Variants in HPSE2 observed in about 807,000 individuals in gnomAD.
HPSE2 encodes inactive heparanase-2.
Under a neutral mutation model 60.5 loss-of-function variants are expected in HPSE2, and 38 were observed. The ratio of observed to expected loss-of-function variants is 0.63; its 90% CI spans 0.48 to 0.82. The LOEUF (loss-of-function observed/expected upper bound fraction) is 0.82, where lower values mean the gene tolerates loss of function less well. Among genes scored for constraint, HPSE2 ranks in the 40% least tolerant of loss-of-function variants. The pLI is 0.00. For missense variants in HPSE2, 713 were observed against 740.4 expected (o/e 0.96, Z 0.43); for synonymous variants, 295 against 293.2 (o/e 1.01, Z -0.06).
chr10:98,896,272 G>T (rs1390984231), intron 3 of HPSE2, among the ~76,000 whole-genome samples: 1 of 152,076 alleles, frequency 6.6e-6, no homozygotes, highest in African/African-American at 2.4e-5. Context: ...CATGGTAAAA[G>T]ATTGGCTAAT....
chr10:98,511,420 G>A (rs1361165803), intron 9 of HPSE2, among the ~76,000 whole-genome samples: 1 of 152,098 alleles, frequency 6.6e-6, no homozygotes. Context: ...AAAGTGCGGG[G>A]ATTACAGGTG....
chr10:98,510,251 G>T (rs1942345009), intron 9 of HPSE2, among the ~76,000 whole-genome samples: 1 of 152,122 alleles, frequency 6.6e-6, no homozygotes, highest in Non-Finnish European at 1.5e-5. Context: ...GAGGACCCTT[G>T]TTTCAGAAGG....
At chr10:99,109,289 C>T (rs1266508324) in intron 3 of HPSE2, among the ~76,000 whole-genome samples, 3 of 152,098 alleles carry the variant, frequency 2.0e-5, no homozygotes, top group Non-Finnish European at 4.4e-5. Flanking sequence ...AAAACAGCCT[C>T]AGTTTATCTA....
intron 2 of HPSE2, among the ~76,000 whole-genome samples, chr10:99,218,792 A>AT (rs1475560811): frequency 3.9e-5 from 6 of 152,182 alleles, no homozygotes; most frequent in African/African-American, 1.4e-4. Context: ...TCACCTATGG[A>AT]TTTTAACTTG....
At chr10:99,248,304 G>A in the HPSE2 span, among the ~76,000 whole-genome samples, 1 of 152,196 alleles carries the variant, frequency 6.6e-6, no homozygotes, top group Non-Finnish European at 1.5e-5. Flanking sequence ...TGGAGAGGAG[G>A]AACTTATTGG....
chr10:99,195,368 A>G (rs1280408947), intron 2 of HPSE2, among the ~76,000 whole-genome samples: 4 of 152,082 alleles, frequency 2.6e-5, no homozygotes, highest in African/African-American at 9.6e-5. Context: ...AGATATAGCA[A>G]TAAGACGAGA....
At chr10:98,883,079 T>C (rs1953070091) in intron 3 of HPSE2, among the ~76,000 whole-genome samples, 1 of 152,112 alleles carries the variant, frequency 6.6e-6, no homozygotes, top group Non-Finnish European at 1.5e-5. Context: ...ATGTTGACCA[T>C]CTTCCTAGCT....
rs750442830 is a variant in HPSE2 at position 99,219,643 on chromosome 10, G to A, written c.448+12705C>T. On this transcript the variant is annotated intron_variant, in intron 2 of 11. Transcript: ENST00000370552. Reference sequence around the variant, plus strand: ...CTAATCCCAGCTCTTCTACGTAAAAGCCCTGTTATTTTGAGCAACTTCCTT... The same window carrying A: ...CTAATCCCAGCTCTTCTACGTAAAAACCCTGTTATTTTGAGCAACTTCCTT... 2.6e-4 allele frequency among the ~76,000 whole-genome samples: 39 copies of A among 152,146 alleles called. 1 individual carries two copies. The highest frequency in any genetic ancestry group is 1.3e-4 in the Admixed American group (2 of 15,276).
intron 3 of HPSE2, among the ~76,000 whole-genome samples, chr10:98,778,222 A>G (rs997724028): frequency 4.9e-5 from 7 of 143,616 alleles, no homozygotes; most frequent in African/African-American, 1.8e-4. Context: ...ATGAGGACCA[A>G]CAAGAAATCT....
intron 3 of HPSE2, among the ~76,000 whole-genome samples, chr10:98,937,329 T>G (rs1241456494): frequency 1.4e-5 from 2 of 144,564 alleles, no homozygotes; most frequent in Non-Finnish European, 3.0e-5. Context: ...TTCCCTTTCC[T>G]AGTCAAAGAA....
intron 3 of HPSE2, among the ~76,000 whole-genome samples, chr10:98,806,064 T>C (rs1951034381): frequency 6.6e-6 from 1 of 152,202 alleles, no homozygotes. Context: ...GGACTATTGT[T>C]CTCTGGTATA....
chr10:98,550,301 TTC>T (rs200870446), intron 9 of HPSE2, among the ~76,000 whole-genome samples: 148 of 151,756 alleles, frequency 9.8e-4, no homozygotes, highest in African/African-American at 3.4e-3. Flanking sequence ...TTTTTTTTTT[TTC>T]GAGATGGGTT....
intron 3 of HPSE2, among the ~76,000 whole-genome samples, chr10:98,777,127 C>T (rs541329713): frequency 6.6e-6 from 1 of 152,280 alleles, no homozygotes; most frequent in South Asian, 2.1e-4. Context: ...TTCCAGTAGA[C>T]AACTTTCATG....
At chr10:99,228,751 A>G (rs562919745) in intron 2 of HPSE2, among the ~76,000 whole-genome samples, 1 of 152,378 alleles carries the variant, frequency 6.6e-6, no homozygotes, top group African/African-American at 2.4e-5. Flanking sequence ...AAAGTGATAC[A>G]TAAACAGTGG....
chr10:99,053,752 CAG>C (rs1324432630), intron 3 of HPSE2, among the ~76,000 whole-genome samples: 4 of 88,042 alleles, frequency 4.5e-5, no homozygotes, highest in Non-Finnish European at 8.3e-5. Flanking sequence ...TTTTTTGAGA[CAG>C]AGTCATGCTC....
chr10:99,054,550 A>G (rs987759224), intron 3 of HPSE2, among the ~76,000 whole-genome samples: 8 of 152,210 alleles, frequency 5.3e-5, no homozygotes, highest in African/African-American at 1.9e-4. Flanking sequence ...ACACCTCAAG[A>G]TCACAGATCT....
At chr10:98,543,698 AC>A in intron 9 of HPSE2, among the ~76,000 whole-genome samples, 1 of 152,110 alleles carries the variant, frequency 6.6e-6, no homozygotes, top group South Asian at 2.1e-4. Flanking sequence ...GATAAAACAG[AC>A]TTAAAACCAA....
At chr10:98,504,150 A>G (rs945548724) in intron 9 of HPSE2, among the ~76,000 whole-genome samples, 4 of 152,296 alleles carry the variant, frequency 2.6e-5, no homozygotes, top group South Asian at 4.1e-4. Flanking sequence ...TTAGATCTCT[A>G]TCCTCAGTTC....
chr10:98,780,583 G>T (rs1950442829), intron 3 of HPSE2, among the ~76,000 whole-genome samples: 1 of 152,050 alleles, frequency 6.6e-6, no homozygotes, highest in African/African-American at 2.4e-5. Flanking sequence ...CCGGGGGACT[G>T]AATAGTGGAG....
Sources: allele counts gnomAD v4.1 joint callset (sites outside exome capture counted in the v4.1 genomes callset), GRCh38; gene constraint gnomAD v4.1.1; transcripts MANE v1.5; gene names NCBI Gene and HGNC (gene_info 2026-07-23, HGNC 2026-07-21).